WWOX: variants seen among roughly 807,000 people sequenced by gnomAD.
WWOX encodes the protein WW domain containing oxidoreductase, also known as WW domain-containing oxidoreductase.
In WWOX, 69 loss-of-function variants were observed where a neutral mutation model predicts 46.2. That is an observed-to-expected ratio of 1.49 (90% CI 1.23 to 1.82). The LOEUF (loss-of-function observed/expected upper bound fraction) is 1.82. WWOX is among the 40% of genes most tolerant of loss of function. WWOX has a pLI of 0.00. For synonymous variants in WWOX, 359 were observed against 202.6 expected (o/e 1.77, Z -6.56); for missense variants, 919 against 542.6 (o/e 1.69, Z -6.89).
chr16:78,873,876 C>G (rs1003029196), intron 8 of WWOX, among the ~76,000 whole-genome samples: 3 of 151,980 alleles, frequency 2.0e-5, no homozygotes, highest in East Asian at 1.9e-4. Flanking sequence ...GGGAGTATAG[C>G]GAGGGGCAAT....
intron 8 of WWOX, among the ~76,000 whole-genome samples, chr16:78,987,111 G>C (rs1184428398): frequency 6.6e-6 from 1 of 152,168 alleles, no homozygotes; most frequent in Non-Finnish European, 1.5e-5. Context: ...TTGCCACTTT[G>C]ATAGCAGTAT....
chr16:78,705,119 G>T (rs550512373), intron 8 of WWOX, among the ~76,000 whole-genome samples: 1 of 152,116 alleles, frequency 6.6e-6, no homozygotes, highest in African/African-American at 2.4e-5. Flanking sequence ...AGTGTTTTCA[G>T]TGTTAGAGAA....
At chr16:78,417,813 A>G (rs1423650604) in intron 6 of WWOX, among the ~76,000 whole-genome samples, 2 of 152,296 alleles carry the variant, frequency 1.3e-5, no homozygotes, top group African/African-American at 4.8e-5. Flanking sequence ...TGTATTGACA[A>G]TTGTAGTGGG....
intron 8 of WWOX, among the ~76,000 whole-genome samples, chr16:78,948,813 C>T (rs1202625401): frequency 2.0e-5 from 3 of 152,040 alleles, no homozygotes; most frequent in African/African-American, 7.3e-5. Flanking sequence ...AACTAATCAG[C>T]TGACTTTAGA....
chr16:79,101,313 A>T (rs1169966073), intron 8 of WWOX: 5 of 151,974 alleles, frequency 3.3e-5, no homozygotes, highest in African/African-American at 1.2e-4. Context: ...TAATCCAACA[A>T]CTCTGCTGGT....
chr16:78,953,797 C>G (rs1462498807), intron 8 of WWOX, among the ~76,000 whole-genome samples: 1 of 152,222 alleles, frequency 6.6e-6, no homozygotes, highest in Non-Finnish European at 1.5e-5. Context: ...CAGATTCTAC[C>G]TACCCTGAGG....
Position 78,164,429 on chromosome 16 carries a change from T to G in WWOX, c.516+140T>G, listed in dbSNP as rs1425057163. 5.0e-6 allele frequency: 4 copies of G among 800,758 alleles called. No homozygotes were observed. In the East Asian group the frequency reaches 8.1e-5, roughly 16 times the overall value. 49.6% of individuals were successfully genotyped at this position (800,758 alleles called of 1,614,324 possible). Reference sequence around the variant, plus strand: ...TTTTTAAAGTCATCTTCACTTTGTTTGTCTTATGAATGAAAGCATGAGCAA... The same window carrying G: ...TTTTTAAAGTCATCTTCACTTTGTTGGTCTTATGAATGAAAGCATGAGCAA... On this transcript the variant is annotated intron_variant, in intron 5 of 8. Coordinates refer to ENST00000566780, the MANE Select transcript of WWOX (RefSeq NM_016373.4).
At chr16:78,869,387 G>T (rs897329599) in intron 8 of WWOX, among the ~76,000 whole-genome samples, 1 of 152,138 alleles carries the variant, frequency 6.6e-6, no homozygotes, top group African/African-American at 2.4e-5. Context: ...TACTCAAAAT[G>T]GTTTTTATGG....
At chr16:78,831,167 G>C (rs1020964231) in intron 8 of WWOX, among the ~76,000 whole-genome samples, 15 of 152,136 alleles carry the variant, frequency 9.9e-5, no homozygotes, top group African/African-American at 2.4e-5. Context: ...AGAATTTGGG[G>C]GCTGAAGACC....
intron 8 of WWOX, among the ~76,000 whole-genome samples, chr16:78,607,617 C>T (rs887717010): frequency 3.6e-4 from 54 of 149,052 alleles, no homozygotes; most frequent in African/African-American, 1.2e-3. Context: ...ATTCAGCTGG[C>T]GTAAGAGGAG....
chr16:78,800,090 G>A (rs1022108689), intron 8 of WWOX, among the ~76,000 whole-genome samples: 1 of 152,148 alleles, frequency 6.6e-6, no homozygotes, highest in Non-Finnish European at 1.5e-5. Flanking sequence ...GCTCTGAGAT[G>A]ATACGTTTGT....
At chr16:78,484,934 A>G (rs1030219937) in intron 8 of WWOX, among the ~76,000 whole-genome samples, 3 of 152,044 alleles carry the variant, frequency 2.0e-5, no homozygotes, top group Non-Finnish European at 4.4e-5. Context: ...CTGTTTGTGT[A>G]CTACACAGCC....
chr16:78,784,855 A>T (rs1486683864), intron 8 of WWOX, among the ~76,000 whole-genome samples: 4 of 152,080 alleles, frequency 2.6e-5, no homozygotes, highest in South Asian at 2.1e-4. Flanking sequence ...GAAGGTGTCT[A>T]TGTGTTCTCC....
At chr16:78,893,961 G>A (rs2044645490) in intron 8 of WWOX, among the ~76,000 whole-genome samples, 1 of 151,718 alleles carries the variant, frequency 6.6e-6, no homozygotes, top group African/African-American at 2.4e-5. Flanking sequence ...TTGTGTCTGT[G>A]ATGTATTTGA....
At chr16:78,134,794 C>T (rs1278700325) in intron 4 of WWOX, among the ~76,000 whole-genome samples, 1 of 152,148 alleles carries the variant, frequency 6.6e-6, no homozygotes. Context: ...TTTTAGAAAG[C>T]TTGATCTATG....
intron 8 of WWOX, among the ~76,000 whole-genome samples, chr16:79,051,328 G>T (rs2048163369): frequency 6.6e-6 from 1 of 152,176 alleles, no homozygotes. Context: ...CTTTAAATCA[G>T]TAAGTTTGTT....
chr16:79,205,108 T>G (rs2051465257), intron 8 of WWOX: 1 of 152,236 alleles, frequency 6.6e-6, no homozygotes, highest in South Asian at 2.1e-4. Flanking sequence ...AGGTTCTCTC[T>G]GAACAGAAGC....
rs376421155 is a variant in WWOX at position 78,850,465 on chromosome 16, T to G, written c.1057-361143T>G. Among the ~76,000 whole-genome samples the G allele has an allele frequency of 6.3e-4, 96 of 152,346 alleles. No individual in the cohort carries two copies. The South Asian group carries it at 0.018, about 29-fold the overall frequency. On this transcript the variant is annotated intron_variant, in intron 8 of 8. Transcript: ENST00000566780. ...TCAAGTGATAGAAAGTCCTTATAGC[T>G]CATGAACTCTTCAATAACTGGGAAT...
chr16:78,335,182 A>G (rs1271925717), intron 5 of WWOX, among the ~76,000 whole-genome samples: 3 of 152,208 alleles, frequency 2.0e-5, no homozygotes, highest in Non-Finnish European at 4.4e-5. Context: ...CAAGTTTGTT[A>G]CATAGGTAAT....
Sources: allele counts gnomAD v4.1 joint callset (sites outside exome capture counted in the v4.1 genomes callset), GRCh38; gene constraint gnomAD v4.1.1; transcripts MANE v1.5; gene names NCBI Gene and HGNC (gene_info 2026-07-23, HGNC 2026-07-21).